NAE1: variants seen among roughly 807,000 people sequenced by gnomAD.
NAE1 encodes the protein NEDD8 activating enzyme E1 subunit 1.
Under a neutral mutation model 88.0 loss-of-function variants are expected in NAE1, and 59 were observed. That is an observed-to-expected ratio of 0.67 (90% CI 0.54 to 0.83). NAE1 has a LOEUF of 0.83. Ranked by LOEUF, NAE1 falls within the 40% of genes least tolerant of loss-of-function variation. NAE1 has a pLI of 0.00. For synonymous variants in NAE1, 186 were observed against 208.9 expected, an observed-to-expected ratio of 0.89 and a Z score of 0.95; for missense variants, 554 against 632.8, an observed-to-expected ratio of 0.88 and a Z score of 1.34.
At chr16:66,826,355 C>T (rs953576598) in intron 3 of NAE1, 168 bp downstream of exon 3, 24 of 616,536 alleles carry the variant, frequency 3.9e-5, no homozygotes, top group East Asian at 3.0e-4. Flanking sequence ...GCCCTATTTG[C>T]CAGATGCTGT....
chr16:66,820,416 A>G (rs1960202116), intron 7 of NAE1, among the ~76,000 whole-genome samples: 1 of 152,202 alleles, frequency 6.6e-6, no homozygotes, highest in South Asian at 2.1e-4. Context: ...TGTTGTGTGA[A>G]ATTGCACCTG....
At chr16:66,825,136 G>T (rs959859392) in intron 3 of NAE1, among the ~76,000 whole-genome samples, 2 of 152,186 alleles carry the variant, frequency 1.3e-5, no homozygotes, top group Non-Finnish European at 2.9e-5. Context: ...AGAGAAAAGG[G>T]TTCCTTGGCT....
chr16:66,830,794 C>A, intron 1 of NAE1, 53 bp downstream of exon 1: 2 of 1,492,936 alleles, frequency 1.3e-6, no homozygotes, highest in South Asian at 2.5e-5. Flanking sequence ...AGGCCCGGCC[C>A]GAATGCTGGA....
intron 17 of NAE1, among the ~76,000 whole-genome samples, chr16:66,808,072 A>T (rs1959643915): frequency 6.6e-6 from 1 of 152,054 alleles, no homozygotes; most frequent in Non-Finnish European, 1.5e-5. Context: ...TTGTATCTTC[A>T]GTAGAGATGG....
At chr16:66,812,441 T>A (rs938986411) in intron 13 of NAE1, among the ~76,000 whole-genome samples, 5 of 151,752 alleles carry the variant, frequency 3.3e-5, no homozygotes, top group African/African-American at 1.2e-4. Context: ...CTCTGCCTCC[T>A]AGGCGTATGT....
intron 1 of NAE1, among the ~76,000 whole-genome samples, chr16:66,828,372 T>C (rs1461362311): frequency 1.3e-5 from 2 of 150,822 alleles, no homozygotes; most frequent in African/African-American, 4.9e-5. Flanking sequence ...GCACCTATAA[T>C]CCCAGCTACT....
chr16:66,826,985 G>A (rs1446971447), intron 1 of NAE1, among the ~76,000 whole-genome samples: 1 of 152,288 alleles, frequency 6.6e-6, no homozygotes, highest in South Asian at 2.1e-4. Context: ...GGAAAAGAGG[G>A]AGAGGGTCAA....
In NAE1 at chr16:66,821,539, T is replaced by A; in HGVS notation, c.422A>T (p.Asp141Val). Residue 141 changes from aspartate to valine, a missense_variant, in exon 7 of 20, where the codon GAT becomes GTT. Asp to Val is a radical substitution (Grantham distance 152, BLOSUM62 -3). Coordinates refer to ENST00000290810, the MANE Select transcript of NAE1 (RefSeq NM_003905.4). ...LPESTSLRLA[D>V]VLWNSQIPLL... ...AGGAATCTGGGAATTCCAGAGGACATCTGCTAAGCGTAGTGAAGTGCTGTT... is the reference window on the plus strand; with the variant it reads ...AGGAATCTGGGAATTCCAGAGGACAACTGCTAAGCGTAGTGAAGTGCTGTT... 6.2e-7 allele frequency: 1 copy of A among 1,601,876 alleles called. No individual in the cohort carries two copies. Among genetic ancestry groups the A allele is most frequent in the Non-Finnish European group, 8.5e-7 (1 of 1,175,968 alleles).
intron 13 of NAE1, 122 bp from the exon 14 acceptor site, chr16:66,810,894 T>A: frequency 2.6e-6 from 2 of 782,650 alleles, no homozygotes; most frequent in Non-Finnish European, 4.2e-6. Flanking sequence ...ATGTATGAAA[T>A]GTGAAAATGC....
At chr16:66,822,479 G>A (rs911396359) in intron 6 of NAE1, among the ~76,000 whole-genome samples, 4 of 151,878 alleles carry the variant, frequency 2.6e-5, no homozygotes, top group Admixed American at 6.6e-5. Flanking sequence ...ACTGAGGCAC[G>A]AGAGTTACCT....
intron 1 of NAE1, among the ~76,000 whole-genome samples, chr16:66,829,444 T>G (rs1208352021): frequency 6.6e-6 from 1 of 152,162 alleles, no homozygotes; most frequent in Non-Finnish European, 1.5e-5. Flanking sequence ...CTCAAAGATA[T>G]GGGGAACTCT....
chr16:66,830,755 G>A (rs1960661138), intron 1 of NAE1, 92 bp downstream of exon 1: 4 of 1,264,298 alleles, frequency 3.2e-6, no homozygotes, highest in Admixed American at 2.3e-5. Context: ...AAGGCCTGAG[G>A]AAGGCCCGAC....
At chr16:66,828,305 A>G (rs1183382259) in intron 1 of NAE1, among the ~76,000 whole-genome samples, 1 of 151,992 alleles carries the variant, frequency 6.6e-6, no homozygotes, top group Non-Finnish European at 1.5e-5. Flanking sequence ...AGGCTGGCCA[A>G]CATAGTGAAA....
chr16:66,809,922 CT>C (rs1959718937), intron 15 of NAE1, among the ~76,000 whole-genome samples: 1 of 152,048 alleles, frequency 6.6e-6, no homozygotes, highest in African/African-American at 2.4e-5. Flanking sequence ...GAGAAGACTC[CT>C]ACGAACCTAA....
At chr16:66,813,919 C>T in intron 11 of NAE1, 73 bp from the exon 12 acceptor site, 1 of 1,355,660 alleles carries the variant, frequency 7.4e-7, no homozygotes, top group Non-Finnish European at 1.0e-6. Flanking sequence ...AGTGCTATTT[C>T]TTCAGATATG....
chr16:66,830,786 G>A (rs1960662413), intron 1 of NAE1, 61 bp downstream of exon 1: 12 of 1,469,716 alleles, frequency 8.2e-6, no homozygotes, highest in East Asian at 2.8e-5. Context: ...GCGCCCTTAG[G>A]CCCGGCCCGA....
Position 66,830,871 on chromosome 16 carries a change from T to C in NAE1, c.29A>G (p.Glu10Gly). Residue 10 changes from glutamate to glycine, a missense_variant, in exon 1 of 20, where the codon GAG becomes GGG. By Grantham distance (98) the Glu-to-Gly change is moderately conservative. Coordinates refer to ENST00000290810, the MANE Select transcript of NAE1 (RefSeq NM_003905.4). MAQLGKLLK[E>G]QKYDRQLRLW... ...CCTCAGCTGCCGGTCGTACTTCTGCTCCTTGAGCAGCTTTCCCAGCTGCGC... is the reference window on the plus strand; with the variant it reads ...CCTCAGCTGCCGGTCGTACTTCTGCCCCTTGAGCAGCTTTCCCAGCTGCGC... 1 of 1,534,272 alleles carries C rather than the reference T, an allele frequency of 6.5e-7. No homozygotes were observed. The highest frequency in any genetic ancestry group is 8.7e-7 in the Non-Finnish European group (1 of 1,149,940).
chr16:66,821,824 G>C (rs1397217854), intron 6 of NAE1, among the ~76,000 whole-genome samples: 1 of 152,162 alleles, frequency 6.6e-6, no homozygotes, highest in African/African-American at 2.4e-5. Flanking sequence ...GTTAAAGAAA[G>C]ATAATTCTAA....
chr16:66,810,837 T>G, intron 13 of NAE1, 65 bp from the exon 14 acceptor site: 1 of 1,441,040 alleles, frequency 6.9e-7, no homozygotes, highest in East Asian at 2.3e-5. Flanking sequence ...ATTGTTACCA[T>G]GAACAAAAAT....
Sources: gnomAD v4.1 joint callset for allele counts (sites outside exome capture counted in the v4.1 genomes callset) on GRCh38, gnomAD v4.1.1 for gene constraint, MANE v1.5 for transcripts, NCBI Gene and HGNC (gene_info 2026-07-23, HGNC 2026-07-21) for gene names.